MAP4: variants seen among roughly 807,000 people sequenced by gnomAD.
The protein encoded by MAP4 is microtubule-associated protein 4.
In MAP4, 76 loss-of-function variants were observed where a neutral mutation model predicts 170.2. The ratio of observed to expected loss-of-function variants is 0.45; its 90% CI spans 0.37 to 0.54. The LOEUF (loss-of-function observed/expected upper bound fraction) is 0.54, where lower values mean the gene tolerates loss of function less well. Ranked by LOEUF, MAP4 falls within the 20% of genes least tolerant of loss-of-function variation. MAP4 has a pLI of 0.00. For synonymous variants in MAP4, 909 were observed against 994.5 expected (o/e 0.91, Z 1.62); for missense variants, 2,506 against 2,748.0 (o/e 0.91, Z 1.97).
At position 47,912,330 on chromosome 3, in the gene MAP4, C is replaced by G; in HGVS notation, c.2091G>C (p.Arg697Ser). ...AGCCTCCCAGCAGCTCAGGAGGGACCCTGGCAGGCTTGGGCCGGGTTGACC... is the reference window on the plus strand; with the variant it reads ...AGCCTCCCAGCAGCTCAGGAGGGACGCTGGCAGGCTTGGGCCGGGTTGACC... The part of the protein sequence containing the change: ...DRRSTRPKPA[R>S]VPPELLGGSP... Residue 697 changes from arginine (R) to serine (S), a missense_variant, in exon 9 of 21, where the codon AGG becomes AGC. Transcript: ENST00000683076. 1 of 1,536,118 alleles carries G rather than the reference C, an allele frequency of 6.5e-7. No homozygotes were observed. The highest frequency in any genetic ancestry group is 1.7e-4 in the Middle Eastern group (1 of 5,990).
intron 1 of MAP4, among the ~76,000 whole-genome samples, chr3:48,084,126 C>T (rs1242105670): frequency 6.6e-6 from 1 of 151,102 alleles, no homozygotes; most frequent in East Asian, 2.0e-4. Flanking sequence ...AGGAGAATTG[C>T]TTGAACCCGG....
At position 47,877,404 on chromosome 3, in the gene MAP4, T is replaced by G; in HGVS notation, c.5541+13A>C. ...TTATGGCAGTAGAAGATAACCACCA[T>G]TCTGGCACCTACCTTTGTTTTCTTC... On this transcript the variant is annotated intron_variant, in intron 11 of 20. Coordinates refer to ENST00000683076, the MANE Select transcript of MAP4 (RefSeq NM_001385682.1). 6.2e-7 allele frequency: 1 copy of G among 1,601,524 alleles called. No individual in the cohort carries two copies. Among genetic ancestry groups the G allele is most frequent in the Non-Finnish European group, 8.6e-7 (1 of 1,168,636 alleles).
At position 47,916,644 on chromosome 3, in the gene MAP4, C is replaced by A. The variant is rs2100039469; in HGVS notation, c.1183G>T (p.Asp395Tyr). Residue 395 changes from aspartate (D) to tyrosine (Y), a missense_variant, in exon 7 of 21, where the codon GAC becomes TAC. Physicochemically the swap from Asp to Tyr is radical, Grantham distance 160. Around this residue, in one of 3 missense-constraint regions of MAP4, gnomAD observed 2,008 missense variants for 2,206.0 expected, o/e 0.91. Transcript: ENST00000683076. ...PIKMDLAPSK[D>Y]MGPPKENKIV... ...TTGTTTTCTTTGGGTGGTCCCATGT[C>A]CTTGGAAGGAGCCAAGTCCATTTTT... 2 of 1,614,060 alleles carry A rather than the reference C, an allele frequency of 1.2e-6. No homozygotes were observed. Among genetic ancestry groups the A allele is most frequent in the South Asian group, 2.2e-5 (2 of 91,078 alleles).
In MAP4 at chr3:47,870,757, A is replaced by G. The variant is rs370468646; in HGVS notation, c.6294+56T>C. On this transcript the variant is annotated intron_variant, in intron 15 of 20. Transcript: ENST00000683076. ...GTGGGCCTGGGAACAGTGGGTGGAAATGGAGGGGAAGATGCAGGGGCCAGC... is the reference window on the plus strand; with the variant it reads ...GTGGGCCTGGGAACAGTGGGTGGAAGTGGAGGGGAAGATGCAGGGGCCAGC... 1.8e-3 allele frequency: 2,633 copies of G among 1,485,098 alleles called. 67 individuals are homozygous for G. In the South Asian group the frequency reaches 0.033, roughly 19 times the overall value. The allele number at this position is 1,485,098 out of a possible 1,614,324, so 92.0% of individuals were successfully genotyped here.
intron 1 of MAP4, among the ~76,000 whole-genome samples, chr3:48,056,710 G>A (rs1272531827): frequency 4.0e-4 from 39 of 98,004 alleles, no homozygotes; most frequent in African/African-American, 5.6e-4. Context: ...TCTGGGAGGT[G>A]AGGGGCGCCT....
At position 47,956,334 on chromosome 3, in the gene MAP4, C is replaced by T. The variant is rs372502804; in HGVS notation, c.292+21531G>A. 4.4e-3 allele frequency among the ~76,000 whole-genome samples: 612 copies of T among 139,306 alleles called. 6 individuals are homozygous for T. Among genetic ancestry groups the T allele is most frequent in the African/African-American group, 0.015 (593 of 39,740 alleles). 91.4% of individuals were successfully genotyped at this position (139,306 alleles called of 152,430 possible). The stretch of plus-strand genomic sequence containing the variant: ...ACCAGCTGACTGGGGAAAGAAAAAA[C>T]TCAAGTCTGGTTTACACATAGCTCT... On this transcript the variant is annotated intron_variant, in intron 3 of 20. Coordinates refer to ENST00000683076, the MANE Select transcript of MAP4 (RefSeq NM_001385682.1).
At chr3:48,051,092 C>A (rs1270207504) in intron 1 of MAP4, among the ~76,000 whole-genome samples, 4 of 143,914 alleles carry the variant, frequency 2.8e-5, no homozygotes, top group African/African-American at 7.8e-5. Context: ...CATTCAATTT[C>A]CACACACACA....
intron 3 of MAP4, among the ~76,000 whole-genome samples, chr3:47,949,358 C>A (rs2154084155): frequency 6.7e-6 from 1 of 149,306 alleles, no homozygotes; most frequent in Non-Finnish European, 1.5e-5. Flanking sequence ...CCCAGCTACT[C>A]AGAAGGCTGA....
At chr3:48,050,636 C>T (rs2100127225) in intron 1 of MAP4, among the ~76,000 whole-genome samples, 2 of 151,058 alleles carry the variant, frequency 1.3e-5, no homozygotes, top group South Asian at 2.1e-4. Flanking sequence ...AGGACGTGCG[C>T]GGTGGCCCAC....
chr3:47,883,381 C>T (rs1245539285), intron 10 of MAP4, among the ~76,000 whole-genome samples: 4 of 151,970 alleles, frequency 2.6e-5, no homozygotes, highest in Admixed American at 2.0e-4. Flanking sequence ...TGCGTCACCA[C>T]GCCCGGCTAA....
At chr3:47,950,109 T>C (rs966318299) in intron 3 of MAP4, among the ~76,000 whole-genome samples, 1 of 152,222 alleles carries the variant, frequency 6.6e-6, no homozygotes, top group Non-Finnish European at 1.5e-5. Context: ...GGGTAGGCTC[T>C]CTCTCCAATC....
chr3:48,032,573 G>A (rs868718310), intron 1 of MAP4, among the ~76,000 whole-genome samples: 1 of 151,896 alleles, frequency 6.6e-6, no homozygotes, highest in Admixed American at 6.6e-5. Context: ...GCTGAGGCAG[G>A]AGAATCGCTT....
chr3:48,084,115 C>G lies in MAP4; in HGVS notation c.-20+4658G>C, dbSNP rs2100147903. On this transcript the variant is annotated intron_variant, in intron 1 of 18. Coordinates refer to the MAP4 transcript ENST00000360240. The stretch of plus-strand genomic sequence containing the variant: ...ATCCCAGCTACTCAGGAGGCTGAGG[C>G]AGGAGAATTGCTTGAACCCGGGAGG... Among the ~76,000 whole-genome samples, 4 of 150,678 alleles carry G rather than the reference C, an allele frequency of 2.7e-5. No homozygotes were observed. The South Asian group carries it at 8.4e-4, about 31-fold the overall frequency.
intron 3 of MAP4, among the ~76,000 whole-genome samples, chr3:47,943,130 AC>A (rs2100057559): frequency 6.6e-6 from 1 of 152,140 alleles, no homozygotes. Flanking sequence ...AAGAAAAAAA[AC>A]TTTCAAAATA....
intron 3 of MAP4, among the ~76,000 whole-genome samples, chr3:47,948,913 G>A (rs1171926777): frequency 2.6e-5 from 4 of 152,072 alleles, no homozygotes; most frequent in Non-Finnish European, 4.4e-5. Context: ...GAGCCACTGC[G>A]CCCGGCCGAT....
At chr3:48,072,236 G>T (rs746072669) in intron 1 of MAP4, among the ~76,000 whole-genome samples, 1 of 151,600 alleles carries the variant, frequency 6.6e-6, no homozygotes, top group South Asian at 2.1e-4. Context: ...GGCCAGGCAC[G>T]CTGGCTCATG....
intron 10 of MAP4, among the ~76,000 whole-genome samples, chr3:47,887,734 A>G (rs1424203143): frequency 6.6e-6 from 1 of 152,258 alleles, no homozygotes; most frequent in African/African-American, 2.4e-5. Context: ...TACACCAATC[A>G]GCACCCTGTG....
At chr3:47,973,869 A>G (rs2100080302) in intron 3 of MAP4, 1 of 985,126 alleles carries the variant, frequency 1.0e-6, no homozygotes, top group Non-Finnish European at 1.2e-6. Context: ...TGTATTCTCT[A>G]TGGCAAGAGA....
At chr3:47,903,559 T>C (rs1417148274) in intron 9 of MAP4, among the ~76,000 whole-genome samples, 4 of 152,162 alleles carry the variant, frequency 2.6e-5, no homozygotes, top group Middle Eastern at 3.4e-3. Flanking sequence ...AAAGTCCTTT[T>C]CTGAAAAGTT....
Sources: allele counts gnomAD v4.1 joint callset (sites outside exome capture counted in the v4.1 genomes callset), GRCh38; gene constraint gnomAD v4.1.1; regional missense constraint gnomAD v4.1.1; transcripts MANE v1.5; gene names NCBI Gene and HGNC (gene_info 2026-07-23, HGNC 2026-07-21).